The following SPNS3 variants were observed in gnomAD, a reference collection of about 807,000 sequenced individuals.
SPNS3 encodes the protein SPNS lysolipid transporter 3, sphingosine-1-phosphate (putative).
Under a neutral mutation model 54.4 loss-of-function variants are expected in SPNS3, and 51 were observed. The ratio of observed to expected loss-of-function variants is 0.94; its 90% CI spans 0.75 to 1.18. SPNS3 has a LOEUF of 1.18. Ranked by LOEUF, SPNS3 falls within the 50% of genes most tolerant of loss-of-function variation. The pLI, the probability that SPNS3 is intolerant of heterozygous loss-of-function variation, is 0.00. For synonymous variants in SPNS3, 309 were observed against 294.7 expected, an observed-to-expected ratio of 1.05 and a Z score of -0.50; for missense variants, 669 against 677.4, an observed-to-expected ratio of 0.99 and a Z score of 0.14.
chr17:4,478,530 T>C, intron 8 of SPNS3, 42 bp from the exon 9 acceptor site: 1 of 1,546,122 alleles, frequency 6.5e-7, no homozygotes, highest in Non-Finnish European at 8.8e-7. Flanking sequence ...GGTTGGTGAC[T>C]GGGATCTGGG....
chr17:4,456,651 C>T (rs1971322987), intron 8 of SPNS3, among the ~76,000 whole-genome samples: 1 of 151,986 alleles, frequency 6.6e-6, no homozygotes, highest in Non-Finnish European at 1.5e-5. Context: ...TCAGCCTCCC[C>T]AGCAGCTGGG....
intron 8 of SPNS3, among the ~76,000 whole-genome samples, chr17:4,463,719 C>T (rs2144130016): frequency 6.9e-6 from 1 of 145,834 alleles, no homozygotes. Flanking sequence ...AGCCGGGCAA[C>T]AGAGTGAGAC....
intron 2 of SPNS3, among the ~76,000 whole-genome samples, chr17:4,444,389 G>GT (rs1426096846): frequency 6.6e-6 from 1 of 151,060 alleles, no homozygotes; most frequent in Non-Finnish European, 1.5e-5. Context: ...TAATTTTTTT[G>GT]TATTTTTTTT....
intron 9 of SPNS3, among the ~76,000 whole-genome samples, chr17:4,479,873 A>G (rs1438240151): frequency 6.6e-6 from 1 of 152,160 alleles, no homozygotes. Context: ...GATTGATGTG[A>G]GGGTGAAATG....
chr17:4,462,707 A>G (rs1256829360), intron 8 of SPNS3, among the ~76,000 whole-genome samples: 1 of 99,874 alleles, frequency 1.0e-5, no homozygotes, highest in Non-Finnish European at 2.0e-5. Flanking sequence ...CCATCCATCC[A>G]TCCATCCATC....
At chr17:4,442,539 AAC>A (rs1451045893) in intron 2 of SPNS3, among the ~76,000 whole-genome samples, 1 of 152,024 alleles carries the variant, frequency 6.6e-6, no homozygotes, top group Non-Finnish European at 1.5e-5. Context: ...TCAAAAAAAA[AAC>A]AAAAAAAGAG....
chr17:4,440,125 A>T (rs1180397582), intron 2 of SPNS3, among the ~76,000 whole-genome samples: 1 of 152,164 alleles, frequency 6.6e-6, no homozygotes, highest in Non-Finnish European at 1.5e-5. Context: ...CACAAAGTCA[A>T]ACAGACAGAC....
intron 8 of SPNS3, among the ~76,000 whole-genome samples, chr17:4,460,712 G>T (rs1971476605): frequency 6.6e-6 from 1 of 151,950 alleles, no homozygotes; most frequent in Admixed American, 6.6e-5. Flanking sequence ...AAAGTGCTGG[G>T]ATTACAGGTG....
At chr17:4,468,134 G>A (rs372846779) in intron 8 of SPNS3, among the ~76,000 whole-genome samples, 46 of 152,246 alleles carry the variant, frequency 3.0e-4, no homozygotes, top group South Asian at 2.1e-3. Flanking sequence ...TGGCTGCCAC[G>A]TTGAGAATAG....
intron 7 of SPNS3, among the ~76,000 whole-genome samples, chr17:4,451,443 T>G (rs969780907): frequency 2.0e-5 from 3 of 151,964 alleles, no homozygotes; most frequent in South Asian, 4.2e-4. Flanking sequence ...GTAGAGAATT[T>G]AGAGAATTCT....
intron 1 of SPNS3, among the ~76,000 whole-genome samples, chr17:4,435,019 C>G (rs930316550): frequency 2.6e-5 from 4 of 151,996 alleles, no homozygotes; most frequent in Non-Finnish European, 5.9e-5. Context: ...GCCAGGCTGT[C>G]TCGAACTCCA....
At chr17:4,446,275 G>T in intron 4 of SPNS3, 76 bp downstream of exon 4, 1 of 1,488,314 alleles carries the variant, frequency 6.7e-7, no homozygotes, top group Non-Finnish European at 9.1e-7. Flanking sequence ...GGCTGGACCT[G>T]GGTAGGAGAG....
At position 4,444,869 on chromosome 17, in the gene SPNS3, C is replaced by A. The variant is rs927393386; in HGVS notation, c.266-163C>A. On this transcript the variant is annotated intron_variant, in intron 2 of 11. Transcript: ENST00000355530. ...CTGGGCTGCGGCTGCATGTTGGCCA[C>A]GCACTGTGAGGTTCACCTTATCTTT... 4 of 842,698 alleles carry A rather than the reference C, an allele frequency of 4.7e-6. No homozygotes were observed. In the East Asian group the frequency reaches 7.5e-5, roughly 16 times the overall value. The allele number at this position is 842,698 out of a possible 1,614,324, so 52.2% of individuals were successfully genotyped here. A position where few individuals can be genotyped will look rare whatever the true frequency, so the allele number is the denominator to read the frequency against.
intron 8 of SPNS3, among the ~76,000 whole-genome samples, chr17:4,468,721 T>TTTTCTTTCTTTCTTTC (rs779220181): frequency 0.17 from 20,726 of 121,174 alleles, 2,267 homozygotes; most frequent in East Asian, 0.25. Context: ...TCTCTCTTTC[T>TTTTCTTTCTTTCTTTC]TTTCTTTCTT....
At chr17:4,460,970 A>G (rs186736614) in intron 8 of SPNS3, among the ~76,000 whole-genome samples, 10 of 152,290 alleles carry the variant, frequency 6.6e-5, no homozygotes, top group African/African-American at 2.4e-4. Flanking sequence ...CAGCGAAGCC[A>G]TCTGGTTCTG....
At chr17:4,458,607 TTCTTTC>T (rs1971397812) in intron 8 of SPNS3, among the ~76,000 whole-genome samples, 1 of 108,456 alleles carries the variant, frequency 9.2e-6, no homozygotes, top group Non-Finnish European at 2.0e-5. Flanking sequence ...CTTTCTTTCT[TTCTTTC>T]TTTCTTTCTT....
intron 7 of SPNS3, among the ~76,000 whole-genome samples, chr17:4,449,879 A>G (rs1317574087): frequency 6.6e-6 from 1 of 152,128 alleles, no homozygotes; most frequent in East Asian, 1.9e-4. Flanking sequence ...CTCTGCCCTC[A>G]GGGCACGCCC....
At chr17:4,460,957 C>T (rs1971482202) in intron 8 of SPNS3, among the ~76,000 whole-genome samples, 1 of 152,124 alleles carries the variant, frequency 6.6e-6, no homozygotes, top group African/African-American at 2.4e-5. Flanking sequence ...TGGAAGAAGT[C>T]ACCAGCGAAG....
intron 8 of SPNS3, among the ~76,000 whole-genome samples, chr17:4,470,810 A>G (rs1026449187): frequency 2.0e-5 from 3 of 152,224 alleles, no homozygotes; most frequent in African/African-American, 7.2e-5. Context: ...AATACTAGCT[A>G]TGAAAGAGGA....
Sources: allele counts gnomAD v4.1 joint callset (sites outside exome capture counted in the v4.1 genomes callset), GRCh38; gene constraint gnomAD v4.1.1; transcripts MANE v1.5; gene names NCBI Gene and HGNC (gene_info 2026-07-23, HGNC 2026-07-21).